LAMA2: variants seen among roughly 807,000 people sequenced by gnomAD.
The protein encoded by LAMA2 is laminin subunit alpha 2.
A neutral mutation model predicts 364.8 loss-of-function variants in LAMA2; 269 were observed. The ratio of observed to expected loss-of-function variants is 0.74; its 90% CI spans 0.67 to 0.82. LAMA2 has a LOEUF of 0.82. Ranked by LOEUF, LAMA2 falls within the 40% of genes least tolerant of loss-of-function variation. The pLI is 0.00. For missense variants in LAMA2, 3,807 were observed against 3,873.2 expected, an observed-to-expected ratio of 0.98 and a Z score of 0.45; for synonymous variants, 1,379 against 1,370.6, an observed-to-expected ratio of 1.01 and a Z score of -0.14.
intron 1 of LAMA2, among the ~76,000 whole-genome samples, chr6:128,933,316 A>G (rs2114521432): frequency 6.6e-6 from 1 of 151,170 alleles, no homozygotes; most frequent in Admixed American, 6.6e-5. Context: ...CCATTCATTC[A>G]CTGATGGATA....
intron 20 of LAMA2, among the ~76,000 whole-genome samples, chr6:129,293,515 A>G (rs1168130177): frequency 6.6e-6 from 1 of 152,254 alleles, no homozygotes; most frequent in Non-Finnish European, 1.5e-5. Context: ...TAATTTCCAC[A>G]TCAATTGTGC....
intron 31 of LAMA2, among the ~76,000 whole-genome samples, chr6:129,350,235 A>G (rs553071574): frequency 8.8e-4 from 134 of 152,378 alleles, no homozygotes; most frequent in Non-Finnish European, 1.8e-3. Context: ...AATTGATAGC[A>G]GTATAAAAGT....
chr6:129,266,957 C>T (rs768935236), intron 15 of LAMA2, 149 bp from the exon 16 acceptor site: 6 of 722,936 alleles, frequency 8.3e-6, no homozygotes, highest in African/African-American at 1.7e-5. Flanking sequence ...AGCTCTGTTG[C>T]AATGTTTCAA....
In LAMA2 at chr6:129,440,895, T is replaced by G. The variant is rs1782075048; in HGVS notation, c.6165T>G (p.Ile2055Met). Residue 2055 changes from isoleucine to methionine, a missense_variant, in exon 43 of 65, where the codon ATT becomes ATG. By Grantham distance (10) the Ile-to-Met change is conservative. Transcript: ENST00000421865. ...NDTAKDVLAQ[I>M]TELHQNLDGL... ...CAGCTAAAGATGTACTGGCACAGAT[T>G]ACAGAGCTCCACCAGAACCTCGATG... The G allele has an allele frequency of 2.5e-6, 4 of 1,613,962 alleles. No individual in the cohort carries two copies. The East Asian group carries it at 8.9e-5, about 36-fold the overall frequency.
rs10647857 is a variant in LAMA2, at chr6:129,147,264, C to CTT, written c.909+232_909+233dup. 0.22 allele frequency among the ~76,000 whole-genome samples: 27,592 copies of CTT among 125,348 alleles called. 4,441 individuals carry two copies. The highest frequency in any genetic ancestry group is 0.47 in the African/African-American group (16,386 of 34,882). 82.2% of individuals were successfully genotyped at this position (125,348 alleles called of 152,430 possible). On this transcript the variant is annotated intron_variant, in intron 6 of 64. Transcript: ENST00000421865. ...GTATAAGAAAACAGATTAGTTTTTCCTTTTTTTTTTTTTTTTTCAAAAAGG... is the reference window on the plus strand; with the variant it reads ...GTATAAGAAAACAGATTAGTTTTTCCTTTTTTTTTTTTTTTTTTTCAAAAAGG...
At chr6:128,943,269 C>CACACAGAGAGAGAGAGAGAGAGAG (rs1365657711) in intron 1 of LAMA2, among the ~76,000 whole-genome samples, 5 of 143,080 alleles carry the variant, frequency 3.5e-5, no homozygotes, top group African/African-American at 1.3e-4. Flanking sequence ...TATATATACA[C>CACACAGAGAGAGAGAGAGAGAGAG]AGAGAGAGAG....
At chr6:129,043,161 T>A (rs1787222947) in intron 1 of LAMA2, among the ~76,000 whole-genome samples, 1 of 152,192 alleles carries the variant, frequency 6.6e-6, no homozygotes, top group African/African-American at 2.4e-5. Context: ...TAATATTTGA[T>A]GTTGTCAATC....
intron 1 of LAMA2, among the ~76,000 whole-genome samples, chr6:128,924,303 C>G (rs890378532): frequency 1.3e-5 from 2 of 152,030 alleles, no homozygotes; most frequent in Non-Finnish European, 2.9e-5. Context: ...TTTGTCCTTA[C>G]CAGAACTACT....
intron 8 of LAMA2, among the ~76,000 whole-genome samples, chr6:129,164,792 G>T (rs1437796623): frequency 1.3e-5 from 2 of 152,156 alleles, no homozygotes; most frequent in Non-Finnish European, 2.9e-5. Flanking sequence ...TTAAGGCTGG[G>T]AAGGGTATTG....
intron 4 of LAMA2, among the ~76,000 whole-genome samples, chr6:129,105,478 G>T (rs959248839): frequency 1.2e-4 from 18 of 152,140 alleles, no homozygotes. Context: ...TTTGTCAGAG[G>T]CTCATTAAGC....
At chr6:129,362,638 G>T (rs1777532358) in intron 32 of LAMA2, among the ~76,000 whole-genome samples, 1 of 152,162 alleles carries the variant, frequency 6.6e-6, no homozygotes, top group African/African-American at 2.4e-5. Flanking sequence ...GGTGTTTAAG[G>T]TCCCTTCTTT....
At chr6:129,276,522 C>T (rs933935526) in intron 17 of LAMA2, among the ~76,000 whole-genome samples, 4 of 151,998 alleles carry the variant, frequency 2.6e-5, no homozygotes, top group Non-Finnish European at 4.4e-5. Flanking sequence ...GAGCATTTAA[C>T]GTTAGAACTG....
At chr6:129,283,083 C>T (rs1788838841) in intron 18 of LAMA2, among the ~76,000 whole-genome samples, 1 of 152,006 alleles carries the variant, frequency 6.6e-6, no homozygotes, top group Non-Finnish European at 1.5e-5. Flanking sequence ...AGGGCCAAAA[C>T]ACCACTATTT....
At chr6:129,161,031 ATT>A (rs1779414206) in intron 8 of LAMA2, among the ~76,000 whole-genome samples, 1 of 151,820 alleles carries the variant, frequency 6.6e-6, no homozygotes, top group South Asian at 2.1e-4. Flanking sequence ...TTTTTTCAGT[ATT>A]TCTTCCTGTT....
At chr6:129,214,633 A>G (rs991113272) in intron 12 of LAMA2, among the ~76,000 whole-genome samples, 5 of 152,166 alleles carry the variant, frequency 3.3e-5, no homozygotes, top group Non-Finnish European at 7.3e-5. Flanking sequence ...TGTTCCATTG[A>G]TCTAAGTGAC....
At chr6:129,102,943 C>T (rs1775600622) in intron 4 of LAMA2, among the ~76,000 whole-genome samples, 1 of 152,200 alleles carries the variant, frequency 6.6e-6, no homozygotes, top group Non-Finnish European at 1.5e-5. Flanking sequence ...GGAGTCCAAG[C>T]CAGCGTGTGT....
At chr6:128,964,750 G>A (rs557911386) in intron 1 of LAMA2, among the ~76,000 whole-genome samples, 33 of 152,094 alleles carry the variant, frequency 2.2e-4, no homozygotes, top group African/African-American at 7.5e-4. Flanking sequence ...AGCTTAGGAA[G>A]AAAAATAGAA....
At chr6:129,048,091 T>C (rs1381880583) in intron 1 of LAMA2, among the ~76,000 whole-genome samples, 1 of 152,206 alleles carries the variant, frequency 6.6e-6, no homozygotes, top group East Asian at 1.9e-4. Flanking sequence ...CTCATGTGGA[T>C]GTTTTGTGTA....
At chr6:129,300,090 A>G (rs1773455596) in intron 21 of LAMA2, among the ~76,000 whole-genome samples, 1 of 152,212 alleles carries the variant, frequency 6.6e-6, no homozygotes, top group South Asian at 2.1e-4. Context: ...AAAGGTAGAT[A>G]ACTTTGTACC....
Sources: allele counts gnomAD v4.1 joint callset (sites outside exome capture counted in the v4.1 genomes callset), GRCh38; gene constraint gnomAD v4.1.1; transcripts MANE v1.5; gene names NCBI Gene and HGNC (gene_info 2026-07-23, HGNC 2026-07-21).